The following DNM2 variants were observed in gnomAD, a reference collection of about 807,000 sequenced individuals.
The protein encoded by DNM2 is dynamin-2.
A neutral mutation model predicts 99.0 loss-of-function variants in DNM2; 15 were observed. The observed-to-expected ratio is 0.15, with a 90% CI of 0.10 to 0.23. The LOEUF is 0.23. Ranked by LOEUF, DNM2 falls within the 10% of genes least tolerant of loss-of-function variation. DNM2 has a pLI of 1.00. For synonymous variants in DNM2, 525 were observed against 481.2 expected (o/e 1.09, Z -1.19); for missense variants, 742 against 1,189.4 (o/e 0.62, Z 5.53).
Position 10,820,965 on chromosome 19 carries a change from T to C in DNM2, c.1781+876T>C, listed in dbSNP as rs980379648. Among the ~76,000 whole-genome samples the C allele has an allele frequency of 6.6e-6, 1 of 152,132 alleles. No individual in the cohort carries two copies. Among genetic ancestry groups the C allele is most frequent in the Non-Finnish European group, 1.5e-5 (1 of 68,024 alleles). ...GCTGGCAGGAGGGCTCTTCCCATGC[T>C]CACACAATCACGCTCATCCAGGAAG... is the stretch of plus-strand genomic sequence containing the variant. On this transcript the variant is annotated intron_variant, in intron 16 of 20. Transcript: ENST00000389253. This position sits in a 1 kb window ranked among gnomAD's most constrained non-coding sequence, Gnocchi z 4.3.
intron 1 of DNM2, among the ~76,000 whole-genome samples, chr19:10,734,476 GAA>G (rs112687610): frequency 2.8e-5 from 4 of 142,956 alleles, no homozygotes; most frequent in African/African-American, 7.6e-5. Context: ...CTCGTGTGTA[GAA>G]AAAAAAAAAA....
intron 2 of DNM2, among the ~76,000 whole-genome samples, chr19:10,760,461 C>T (rs898839539): frequency 4.6e-5 from 7 of 152,048 alleles, no homozygotes; most frequent in Non-Finnish European, 7.4e-5. Context: ...GCAATAAAGA[C>T]GCCTGTCTAC....
chr19:10,819,795 G>A (rs1157271677), intron 15 of DNM2, among the ~76,000 whole-genome samples, 185 bp from the exon 16 acceptor site: 1 of 152,184 alleles, frequency 6.6e-6, no homozygotes, highest in East Asian at 1.9e-4. Flanking sequence ...GGAGCATCAT[G>A]GAGGGCAGCG....
At chr19:10,742,114 A>T (rs1323845762) in intron 1 of DNM2, among the ~76,000 whole-genome samples, 1 of 151,716 alleles carries the variant, frequency 6.6e-6, no homozygotes, top group African/African-American at 2.4e-5. Flanking sequence ...ACTAACACTG[A>T]TCACTCTCCC....
chr19:10,743,371 C>T (rs972840939), intron 1 of DNM2, among the ~76,000 whole-genome samples: 7 of 151,822 alleles, frequency 4.6e-5, no homozygotes, highest in South Asian at 2.1e-4. Flanking sequence ...CACAGGTGCT[C>T]GGGTGAGAAA....
intron 2 of DNM2, among the ~76,000 whole-genome samples, chr19:10,761,792 C>T (rs1303642967): frequency 6.6e-6 from 1 of 152,168 alleles, no homozygotes; most frequent in Non-Finnish European, 1.5e-5. Flanking sequence ...TCTGGCCCCG[C>T]CCAACCTGGC....
At chr19:10,806,693 T>C (rs1599591279) in intron 13 of DNM2, among the ~76,000 whole-genome samples, 1 of 152,156 alleles carries the variant, frequency 6.6e-6, no homozygotes, top group African/African-American at 2.4e-5. Context: ...CTCAGGAGGC[T>C]GAGGCAGGAG....
In DNM2 at chr19:10,720,209, T is replaced by C. The variant is rs1021720339; in HGVS notation, c.161+1806T>C. ...AAACAAGTTTATTTTATTTTATTTA[T>C]TTATTTATTTTTTTTTTTTTTGAGA... On this transcript the variant is annotated intron_variant, in intron 1 of 20. Coordinates refer to ENST00000389253, the MANE Select transcript of DNM2 (RefSeq NM_001005361.3). Among the ~76,000 whole-genome samples the C allele has an allele frequency of 1.4e-4, 20 of 142,502 alleles. 1 individual carries two copies. Among genetic ancestry groups the C allele is most frequent in the Non-Finnish European group, 2.5e-4 (17 of 66,928 alleles). 93.5% of individuals were successfully genotyped at this position (142,502 alleles called of 152,430 possible). A position where few individuals can be genotyped will look rare whatever the true frequency, so the allele number is the denominator to read the frequency against.
intron 1 of DNM2, among the ~76,000 whole-genome samples, chr19:10,728,218 G>A (rs961016470): frequency 1.3e-5 from 2 of 152,216 alleles, no homozygotes; most frequent in Non-Finnish European, 2.9e-5. Context: ...GAATCACCGT[G>A]TGCCACATGT....
chr19:10,740,024 G>A (rs2069685871), intron 1 of DNM2, among the ~76,000 whole-genome samples: 1 of 151,938 alleles, frequency 6.6e-6, no homozygotes, highest in South Asian at 2.1e-4. Context: ...GTCTTTCTAG[G>A]AATTTGTCCA....
intron 1 of DNM2, among the ~76,000 whole-genome samples, chr19:10,724,890 G>C (rs901520874): frequency 9.9e-5 from 15 of 152,204 alleles, no homozygotes; most frequent in African/African-American, 3.6e-4. Flanking sequence ...GTTTCCAGCT[G>C]CGTTTTTATT....
chr19:10,765,102 C>T lies in DNM2; in HGVS notation c.235+5291C>T, dbSNP rs536133733. Among the ~76,000 whole-genome samples, 167 of 152,094 alleles carry T rather than the reference C, an allele frequency of 1.1e-3. No individual in the cohort carries two copies. Among genetic ancestry groups the T allele is most frequent in the South Asian group, 2.1e-3 (10 of 4,816 alleles). On this transcript the variant is annotated intron_variant, in intron 2 of 20. Transcript: ENST00000389253. This position sits in a 1 kb window ranked among gnomAD's most constrained non-coding sequence, Gnocchi z 4.4. The stretch of plus-strand genomic sequence containing the variant: ...CCTCCGGCGTAGCTGGGACTACAGG[C>T]GCCCGCCACCTCGCCCGGCTAATTT...
chr19:10,812,058 C>T lies in DNM2; in HGVS notation c.1558-206C>T, dbSNP rs1447258146. 11 of 542,458 alleles carry T rather than the reference C, an allele frequency of 2.0e-5. No individual in the cohort carries two copies. The highest frequency in any genetic ancestry group is 5.7e-5 in the African/African-American group (3 of 52,758). The allele number at this position is 542,458 out of a possible 1,614,324, so 33.6% of individuals were successfully genotyped here. A position where few individuals can be genotyped will look rare whatever the true frequency, so the allele number is the denominator to read the frequency against. On this transcript the variant is annotated intron_variant, in intron 14 of 20. Coordinates refer to ENST00000389253, the MANE Select transcript of DNM2 (RefSeq NM_001005361.3). This position sits in a 1 kb window ranked among gnomAD's most constrained non-coding sequence, Gnocchi z 4.0. ...CCCTGGCCCAGTGAGTCTGTCTGTC[C>T]GCCCACCTGCCCAGGTGGCGCCTCA...
Position 10,820,880 on chromosome 19 carries a change from C to G in DNM2, c.1781+791C>G, listed in dbSNP as rs897223099. Among the ~76,000 whole-genome samples, 17 of 152,228 alleles carry G rather than the reference C, an allele frequency of 1.1e-4. No homozygotes were observed. Among genetic ancestry groups the G allele is most frequent in the Admixed American group, 2.0e-4 (3 of 15,282 alleles). ...AGGCCCCAGGAAGCTCACAGTACAT[C>G]TGTCCCATGAGGCGTAGCTGGAGAC... is the stretch of plus-strand genomic sequence containing the variant. On this transcript the variant is annotated intron_variant, in intron 16 of 20. Transcript: ENST00000389253. The surrounding 1 kb of genome is among the most constrained non-coding windows in gnomAD (Gnocchi z 4.3).
At chr19:10,762,240 G>T (rs996246389) in intron 2 of DNM2, among the ~76,000 whole-genome samples, 3 of 152,086 alleles carry the variant, frequency 2.0e-5, no homozygotes, top group African/African-American at 7.2e-5. Context: ...GCTTCACCAT[G>T]TTGGCCAGGC....
At chr19:10,783,516 T>A (rs1337132068) in intron 6 of DNM2, among the ~76,000 whole-genome samples, 2 of 152,090 alleles carry the variant, frequency 1.3e-5, no homozygotes, top group Non-Finnish European at 2.9e-5. Flanking sequence ...CAGGGTCTGG[T>A]GAAGAGCAGA....
Position 10,796,167 on chromosome 19 carries a change from C to T in DNM2, c.1196+728C>T. The T allele has an allele frequency of 6.2e-7, 1 of 1,614,180 alleles. No homozygotes were observed. Among genetic ancestry groups the T allele is most frequent in the African/African-American group, 1.3e-5 (1 of 75,058 alleles). ...ATGTGTCGACCTGGTTATCCAGGAG[C>T]TAATCAATACAGTTAGGCAGTGTAC... On this transcript the variant is annotated intron_variant, in intron 9 of 20. Coordinates refer to ENST00000389253, the MANE Select transcript of DNM2 (RefSeq NM_001005361.3). This position sits in a 1 kb window ranked among gnomAD's most constrained non-coding sequence, Gnocchi z 5.6.
chr19:10,812,216 C>G lies in DNM2; in HGVS notation c.1558-48C>G. 2 of 1,507,340 alleles carry G rather than the reference C, an allele frequency of 1.3e-6. No individual in the cohort carries two copies. The allele number at this position is 1,507,340 out of a possible 1,614,324, so 93.4% of individuals were successfully genotyped here. ...GCAAGGCTGCTGCGCTGGGGGATGGCTGGGGCACGGAGCGAGGTTCCCTGC... is the reference window on the plus strand; with the variant it reads ...GCAAGGCTGCTGCGCTGGGGGATGGGTGGGGCACGGAGCGAGGTTCCCTGC... On this transcript the variant is annotated intron_variant, in intron 14 of 20. Coordinates refer to ENST00000389253, the MANE Select transcript of DNM2 (RefSeq NM_001005361.3). The surrounding 1 kb of genome is among the most constrained non-coding windows in gnomAD (Gnocchi z 4.0).
intron 2 of DNM2, among the ~76,000 whole-genome samples, chr19:10,771,700 C>G (rs2070986077): frequency 6.6e-6 from 1 of 152,184 alleles, no homozygotes; most frequent in African/African-American, 2.4e-5. Flanking sequence ...GCAGCATCAC[C>G]TTAATCAAAT....
Sources: allele counts gnomAD v4.1 joint callset (sites outside exome capture counted in the v4.1 genomes callset), GRCh38; gene constraint gnomAD v4.1.1; non-coding constraint Gnocchi (gnomAD v3.1); transcripts MANE v1.5; gene names NCBI Gene and HGNC (gene_info 2026-07-23, HGNC 2026-07-21).